The following ATP6V0A4 variants were observed in gnomAD, a reference collection of about 807,000 sequenced individuals.
The protein encoded by ATP6V0A4 is V-type proton ATPase 116 kDa subunit a 4.
ATP6V0A4 carries 86 observed loss-of-function variants against 107.3 expected under a neutral mutation model. The observed-to-expected ratio is 0.80, with a 90% CI of 0.67 to 0.96. The LOEUF (loss-of-function observed/expected upper bound fraction) is 0.96, where lower values mean the gene tolerates loss of function less well. Ranked by LOEUF, ATP6V0A4 falls within the 40% of genes least tolerant of loss-of-function variation. ATP6V0A4 has a pLI of 0.00. For missense variants in ATP6V0A4, 908 were observed against 1,045.6 expected, an observed-to-expected ratio of 0.87 and a Z score of 1.81; for synonymous variants, 353 against 381.4, an observed-to-expected ratio of 0.93 and a Z score of 0.87.
intron 12 of ATP6V0A4, 137 bp downstream of exon 12, chr7:138,749,030 C>T (rs1048465540): frequency 8.6e-7 from 1 of 1,169,258 alleles, no homozygotes; most frequent in Admixed American, 1.7e-5. Context: ...CCTACTTATT[C>T]CTCTGATTCC....
At chr7:138,725,926 GTATGT>G (rs770903373) in intron 18 of ATP6V0A4, among the ~76,000 whole-genome samples, 10 of 152,280 alleles carry the variant, frequency 6.6e-5, no homozygotes, top group Non-Finnish European at 1.0e-4. Context: ...GCACTTGTCT[GTATGT>G]TATATGTTTC....
chr7:138,736,540 AT>A (rs1414567765), intron 15 of ATP6V0A4, among the ~76,000 whole-genome samples: 1 of 152,050 alleles, frequency 6.6e-6, no homozygotes, highest in African/African-American at 2.4e-5. Flanking sequence ...TTGCCAAGCA[AT>A]CCTAGGAGTT....
chr7:138,742,397 A>G (rs913885597), intron 14 of ATP6V0A4, among the ~76,000 whole-genome samples: 14 of 152,328 alleles, frequency 9.2e-5, no homozygotes, highest in African/African-American at 3.4e-4. Context: ...ATTGCACTCC[A>G]GCTTGGGCCA....
intron 2 of ATP6V0A4, among the ~76,000 whole-genome samples, chr7:138,779,022 T>C (rs770738332): frequency 5.3e-5 from 8 of 152,122 alleles, no homozygotes; most frequent in Non-Finnish European, 1.0e-4. Context: ...ACTTCAAGAC[T>C]TACTGTACAG....
intron 10 of ATP6V0A4, among the ~76,000 whole-genome samples, chr7:138,753,824 G>A (rs1343489041): frequency 6.6e-6 from 1 of 152,086 alleles, no homozygotes; most frequent in African/African-American, 2.4e-5. Flanking sequence ...GAGCACCTCA[G>A]CACAGAGGTG....
chr7:138,759,237 T>C lies in ATP6V0A4; in HGVS notation c.639+515A>G, dbSNP rs576898477. Among the ~76,000 whole-genome samples, 417 of 151,578 alleles carry C rather than the reference T, an allele frequency of 2.8e-3. 1 individual carries two copies. Among genetic ancestry groups the C allele is most frequent in the African/African-American group, 9.5e-3 (393 of 41,324 alleles). On this transcript the variant is annotated intron_variant, in intron 8 of 21. Coordinates refer to ENST00000310018, the MANE Select transcript of ATP6V0A4 (RefSeq NM_020632.3). ...ACCACACTTGGTTAACTTTTTTTTG[T>C]AGAGATGTTTTCTTGCTATGTTGCC...
intron 9 of ATP6V0A4, 143 bp from the exon 10 acceptor site, chr7:138,755,925 A>G: frequency 6.9e-7 from 1 of 1,458,074 alleles, no homozygotes; most frequent in Non-Finnish European, 9.3e-7. Flanking sequence ...GCCACTGGAA[A>G]AGGAGTCCCA....
At chr7:138,753,529 T>A (rs1002761460) in intron 10 of ATP6V0A4, among the ~76,000 whole-genome samples, 2 of 152,192 alleles carry the variant, frequency 1.3e-5, no homozygotes, top group Non-Finnish European at 2.9e-5. Flanking sequence ...ACCCTTTACA[T>A]ACATAATCCC....
At chr7:138,713,141 TAA>T (rs771014044) in intron 20 of ATP6V0A4, among the ~76,000 whole-genome samples, 75 of 141,180 alleles carry the variant, frequency 5.3e-4, no homozygotes, top group African/African-American at 1.9e-3. Flanking sequence ...ATACAAAAAT[TAA>T]AAAAAAAAAA....
chr7:138,790,763 G>A (rs1037346900), intron 1 of ATP6V0A4, among the ~76,000 whole-genome samples: 3 of 152,154 alleles, frequency 2.0e-5, no homozygotes, highest in Non-Finnish European at 4.4e-5. Flanking sequence ...ACCATAGAAG[G>A]AAAGGTATCC....
chr7:138,788,796 G>A (rs144909304), intron 1 of ATP6V0A4, among the ~76,000 whole-genome samples: 9,862 of 152,218 alleles, frequency 0.065, 339 homozygotes, highest in Non-Finnish European at 0.07. Context: ...ATAAATGGGA[G>A]TTCCCCTTCA....
chr7:138,722,952 G>A (rs1197334895), intron 18 of ATP6V0A4, among the ~76,000 whole-genome samples: 6 of 150,946 alleles, frequency 4.0e-5, no homozygotes, highest in Non-Finnish European at 1.5e-5. Context: ...CAGCTACTCG[G>A]GAGGCTGAGG....
At chr7:138,747,659 G>A (rs1482044285) in intron 12 of ATP6V0A4, 95 bp from the exon 13 acceptor site, 5 of 1,549,006 alleles carry the variant, frequency 3.2e-6, no homozygotes, top group Admixed American at 3.9e-5. Context: ...TTGCATGCGG[G>A]TTTCCTTAAG....
intron 1 of ATP6V0A4, 158 bp downstream of exon 1, chr7:138,797,876 C>G: frequency 9.6e-7 from 1 of 1,044,804 alleles, no homozygotes; most frequent in Middle Eastern, 2.1e-4. Context: ...CCCTTCCTTC[C>G]TCAGCCAACG....
At chr7:138,707,925 T>C (rs1803528424) in intron 21 of ATP6V0A4, among the ~76,000 whole-genome samples, 1 of 152,044 alleles carries the variant, frequency 6.6e-6, no homozygotes, top group Admixed American at 6.6e-5. Context: ...AATTCTAAAA[T>C]GTGGGACTCA....
chr7:138,797,961 C>G (rs779664175), intron 1 of ATP6V0A4, 73 bp downstream of exon 1: 1 of 1,538,602 alleles, frequency 6.5e-7, no homozygotes, highest in Admixed American at 2.0e-5. Flanking sequence ...CATGGTGTTT[C>G]CCCCAAACAC....
At chr7:138,793,659 G>A (rs62486974) in intron 1 of ATP6V0A4, among the ~76,000 whole-genome samples, 6,576 of 152,126 alleles carry the variant, frequency 0.043, 196 homozygotes, top group African/African-American at 0.083. Context: ...AATCATCAAA[G>A]TATATTCGCA....
chr7:138,729,063 T>C, intron 17 of ATP6V0A4: 3 of 674,640 alleles, frequency 4.4e-6, no homozygotes, highest in Non-Finnish European at 5.5e-6. Context: ...TTCCAAATGT[T>C]CGACACGGGG....
intron 18 of ATP6V0A4, among the ~76,000 whole-genome samples, chr7:138,723,523 C>CTTTTTTTTTTTT (rs10528520): frequency 2.0e-4 from 25 of 128,160 alleles, no homozygotes; most frequent in African/African-American, 2.6e-4. Flanking sequence ...TCTTTCTTTT[C>CTTTTTTTTTTTT]TTTTTTTTTT....
Sources: gnomAD v4.1 joint callset for allele counts (sites outside exome capture counted in the v4.1 genomes callset) on GRCh38, gnomAD v4.1.1 for gene constraint, MANE v1.5 for transcripts, NCBI Gene and HGNC (gene_info 2026-07-23, HGNC 2026-07-21) for gene names.